The following CACNB2 variants were observed in gnomAD, a reference collection of about 807,000 sequenced individuals.
CACNB2 encodes the protein calcium voltage-gated channel auxiliary subunit beta 2.
CACNB2 carries 42 observed loss-of-function variants against 73.3 expected under a neutral mutation model. The observed-to-expected ratio is 0.57, with a 90% CI of 0.45 to 0.74. The LOEUF (loss-of-function observed/expected upper bound fraction) is 0.74. CACNB2 is among the 30% of genes least tolerant of loss of function. The probability of loss-of-function intolerance (pLI) is 0.00; values close to 1 mark genes in which losing one functional copy is unlikely to be tolerated. For missense variants in CACNB2, 940 were observed against 853.0 expected (o/e 1.10, Z -1.27); for synonymous variants, 348 against 310.3 (o/e 1.12, Z -1.28).
intron 2 of CACNB2, among the ~76,000 whole-genome samples, chr10:18,332,149 C>T (rs2040830301): frequency 6.6e-6 from 1 of 152,084 alleles, no homozygotes; most frequent in South Asian, 2.1e-4. Context: ...GAGTAGAGGA[C>T]TTTAATTTTA....
At chr10:18,377,714 T>C (rs933405758) in intron 2 of CACNB2, among the ~76,000 whole-genome samples, 2 of 152,218 alleles carry the variant, frequency 1.3e-5, no homozygotes, top group Non-Finnish European at 1.5e-5. Context: ...ATATAGTCTG[T>C]GTGGTTAGAG....
Position 18,534,135 on chromosome 10 carries a change from G to A in CACNB2, c.1114G>A (p.Val372Ile). ...ACTTGCAAGAACATTGCAGTTGGTGGTCCTTGACGCGGATACAATTAATCA... is the reference window on the plus strand; with the variant it reads ...ACTTGCAAGAACATTGCAGTTGGTGATCCTTGACGCGGATACAATTAATCA... ...FELARTLQLV[V>I]LDADTINHPA... Residue 372 changes from valine (V) to isoleucine (I), a missense_variant, in exon 11 of 14, where the codon GTC becomes ATC. Physicochemically the swap from Val to Ile is conservative, Grantham distance 29. Coordinates refer to ENST00000324631, the MANE Select transcript of CACNB2 (RefSeq NM_201596.3). 1.2e-6 allele frequency: 2 copies of A among 1,613,954 alleles called. No homozygotes were observed. Among genetic ancestry groups the A allele is most frequent in the Non-Finnish European group, 8.5e-7 (1 of 1,179,866 alleles).
intron 6 of CACNB2, chr10:18,513,165 T>C (rs1283147067): frequency 2.0e-5 from 3 of 150,614 alleles, no homozygotes; most frequent in African/African-American, 5.0e-5. Context: ...ACAGCTGAGC[T>C]GGTTGTCAGT....
At chr10:18,380,936 T>C (rs972549432) in intron 2 of CACNB2, among the ~76,000 whole-genome samples, 11 of 152,218 alleles carry the variant, frequency 7.2e-5, no homozygotes, top group Admixed American at 4.6e-4. Flanking sequence ...CTTGATCTTA[T>C]ATTAATTAGC....
chr10:18,399,815 G>A (rs2043899825), intron 2 of CACNB2, among the ~76,000 whole-genome samples: 1 of 152,082 alleles, frequency 6.6e-6, no homozygotes, highest in South Asian at 2.1e-4. Flanking sequence ...AAAACAAAGT[G>A]TATATTTCTT....
intron 2 of CACNB2, among the ~76,000 whole-genome samples, chr10:18,179,982 G>A (rs976473800): frequency 6.6e-6 from 1 of 152,124 alleles, no homozygotes; most frequent in African/African-American, 2.4e-5. Flanking sequence ...CCATTCCTGT[G>A]CTTATATGCA....
intron 2 of CACNB2, among the ~76,000 whole-genome samples, chr10:18,355,086 A>C (rs1188387734): frequency 6.6e-6 from 1 of 152,220 alleles, no homozygotes; most frequent in Non-Finnish European, 1.5e-5. Flanking sequence ...TTTAGACTTG[A>C]GTTCCATCCC....
chr10:18,321,277 G>T (rs1446154940), intron 2 of CACNB2, among the ~76,000 whole-genome samples: 1 of 152,082 alleles, frequency 6.6e-6, no homozygotes, highest in Non-Finnish European at 1.5e-5. Flanking sequence ...ATCAACTTGG[G>T]GTATAAGTGC....
Position 18,220,149 on chromosome 10 carries a change from A to C in CACNB2, c.213+69174A>C, listed in dbSNP as rs1341488519. Among the ~76,000 whole-genome samples the C allele has an allele frequency of 1.2e-3, 41 of 34,160 alleles. 1 individual carries two copies. Among genetic ancestry groups the C allele is most frequent in the Non-Finnish European group, 2.0e-3 (38 of 19,236 alleles). 22.4% of individuals were successfully genotyped at this position (34,160 alleles called of 152,430 possible). A position where few individuals can be genotyped will look rare whatever the true frequency, so the allele number is the denominator to read the frequency against. On this transcript the variant is annotated intron_variant, in intron 2 of 13. Coordinates refer to ENST00000324631, the MANE Select transcript of CACNB2 (RefSeq NM_201596.3). ...TATATATATATATATATATATATATATATATACACACACACACACACACAT... is the reference window on the plus strand; with the variant it reads ...TATATATATATATATATATATATATCTATATACACACACACACACACACAT...
At chr10:18,498,054 C>G (rs376835438) in intron 3 of CACNB2, among the ~76,000 whole-genome samples, 2 of 152,106 alleles carry the variant, frequency 1.3e-5, no homozygotes, top group South Asian at 2.1e-4. Flanking sequence ...TTTACAGTTG[C>G]TACAAGCGCC....
At position 18,142,789 on chromosome 10, in the gene CACNB2, A is replaced by C. The variant is rs201294666; in HGVS notation, c.120+1933A>C. 1.3e-4 allele frequency among the ~76,000 whole-genome samples: 20 copies of C among 152,332 alleles called. No individual in the cohort carries two copies. The East Asian group carries it at 1.9e-3, about 15-fold the overall frequency. On this transcript the variant is annotated intron_variant, in intron 1 of 13. Transcript: ENST00000324631. Reference sequence around the variant, plus strand: ...AATGATTCTGATGTGAAAAGACACAATTTCTGCCTTCAAAGAATTTATATT... The same window carrying C: ...AATGATTCTGATGTGAAAAGACACACTTTCTGCCTTCAAAGAATTTATATT...
At chr10:18,373,604 C>T (rs1372130377) in intron 2 of CACNB2, among the ~76,000 whole-genome samples, 1 of 152,178 alleles carries the variant, frequency 6.6e-6, no homozygotes, top group Non-Finnish European at 1.5e-5. Flanking sequence ...CTGCAAAATC[C>T]AAGCCTCTTC....
At chr10:18,357,937 C>T (rs745596326) in intron 2 of CACNB2, among the ~76,000 whole-genome samples, 3 of 152,152 alleles carry the variant, frequency 2.0e-5, no homozygotes, top group Admixed American at 1.3e-4. Context: ...TCCTGCATGG[C>T]GGGCAGGAAT....
intron 2 of CACNB2, among the ~76,000 whole-genome samples, chr10:18,171,017 GT>G (rs2033184753): frequency 6.6e-6 from 1 of 152,114 alleles, no homozygotes; most frequent in Non-Finnish European, 1.5e-5. Flanking sequence ...GCTCTATTTG[GT>G]ACCGCTGGCT....
intron 4 of CACNB2, among the ~76,000 whole-genome samples, chr10:18,499,344 C>G (rs10828784): frequency 0.29 from 44,066 of 151,960 alleles, 6,793 homozygotes; most frequent in Middle Eastern, 0.37. Context: ...AGGGCTGGGC[C>G]CGGTGGCTCA....
chr10:18,334,512 A>G (rs1476072423), intron 2 of CACNB2, among the ~76,000 whole-genome samples: 3 of 152,202 alleles, frequency 2.0e-5, no homozygotes, highest in Admixed American at 6.5e-5. Context: ...ACTTGAAAGC[A>G]CTTCACATTG....
intron 2 of CACNB2, among the ~76,000 whole-genome samples, chr10:18,207,079 G>C (rs550641342): frequency 6.6e-6 from 1 of 152,254 alleles, no homozygotes; most frequent in South Asian, 2.1e-4. Flanking sequence ...CATGATCTCA[G>C]CTCACTGCAA....
intron 2 of CACNB2, among the ~76,000 whole-genome samples, chr10:18,326,674 C>T (rs1013187586): frequency 2.0e-5 from 3 of 152,218 alleles, no homozygotes; most frequent in Non-Finnish European, 4.4e-5. Flanking sequence ...CCTCTGACCA[C>T]ATGAACCTCT....
chr10:18,497,220 A>AG (rs1830592399), intron 3 of CACNB2, among the ~76,000 whole-genome samples: 2 of 151,470 alleles, frequency 1.3e-5, no homozygotes, highest in African/African-American at 4.8e-5. Context: ...AAAAAAAAAA[A>AG]AAAAGAAAAG....
Sources: allele counts gnomAD v4.1 joint callset (sites outside exome capture counted in the v4.1 genomes callset), GRCh38; gene constraint gnomAD v4.1.1; transcripts MANE v1.5; gene names NCBI Gene and HGNC (gene_info 2026-07-23, HGNC 2026-07-21).